Variants in NME9 observed in about 807,000 individuals in gnomAD.
The protein encoded by NME9 is NME/NM23 family member 9.
NME9 carries 48 observed loss-of-function variants against 44.4 expected under a neutral mutation model. The observed-to-expected ratio is 1.08, with a 90% CI of 0.86 to 1.37. NME9 has a LOEUF of 1.37. Ranked by LOEUF, NME9 falls within the 40% of genes most tolerant of loss-of-function variation. The pLI, the probability that NME9 is intolerant of heterozygous loss-of-function variation, is 0.00. For synonymous variants in NME9, 139 were observed against 147.1 expected, an observed-to-expected ratio of 0.94 and a Z score of 0.40; for missense variants, 325 against 405.2, an observed-to-expected ratio of 0.80 and a Z score of 1.70.
chr3:138,296,259 T>G (rs2051475892), downstream of NME9: 1 of 174,220 alleles, frequency 5.7e-6, no homozygotes, highest in Non-Finnish European at 1.2e-5. Flanking sequence ...TGCACGTACA[T>G]GGGCCAGAAT....
intron 1 of NME9, among the ~76,000 whole-genome samples, chr3:138,328,761 A>C (rs1022842468): frequency 2.6e-5 from 4 of 152,238 alleles, no homozygotes; most frequent in African/African-American, 9.6e-5. Flanking sequence ...TCCCACATGC[A>C]AATGAAGTAA....
chr3:138,265,768 C>T (rs781376507), intron 8 of NME9, among the ~76,000 whole-genome samples: 38 of 152,024 alleles, frequency 2.5e-4, no homozygotes, highest in African/African-American at 5.8e-4. Flanking sequence ...CAGGTAAGGA[C>T]GAAGTGGAAG....
At chr3:138,302,150 A>G (rs1257009593) in intron 10 of NME9, among the ~76,000 whole-genome samples, 1 of 152,156 alleles carries the variant, frequency 6.6e-6, no homozygotes, top group African/African-American at 2.4e-5. Context: ...GAATAGTGCT[A>G]ACTACAGTGG....
chr3:138,315,762 C>T (rs2053032554), intron 4 of NME9, 119 bp from the exon 5 acceptor site: 1 of 719,590 alleles, frequency 1.4e-6, no homozygotes, highest in Non-Finnish European at 2.3e-6. Flanking sequence ...AGGCCTGTAG[C>T]AGCGTGCTCA....
At chr3:138,292,115 G>A (rs2051009033) in intron 8 of NME9, among the ~76,000 whole-genome samples, 1 of 152,002 alleles carries the variant, frequency 6.6e-6, no homozygotes, top group Non-Finnish European at 1.5e-5. Context: ...TTGGCTCACT[G>A]AAACCTCTGC....
chr3:138,284,972 T>A (rs2050266502), intron 8 of NME9, among the ~76,000 whole-genome samples: 1 of 152,250 alleles, frequency 6.6e-6, no homozygotes, highest in Non-Finnish European at 1.5e-5. Flanking sequence ...CACCAGAGAC[T>A]GCCCATTGCC....
chr3:138,302,612 C>A (rs751022012), intron 10 of NME9, among the ~76,000 whole-genome samples: 65 of 152,218 alleles, frequency 4.3e-4, no homozygotes, highest in Non-Finnish European at 8.4e-4. Flanking sequence ...TCAGCTTGTT[C>A]CTCAGCTGGC....
At chr3:138,317,041 C>T (rs2053136862) in intron 4 of NME9, among the ~76,000 whole-genome samples, 1 of 152,132 alleles carries the variant, frequency 6.6e-6, no homozygotes, top group Admixed American at 6.5e-5. Flanking sequence ...GATTGTGGCC[C>T]ATGTTTCCAT....
intron 6 of NME9, among the ~76,000 whole-genome samples, chr3:138,309,678 G>A (rs1354407817): frequency 1.3e-5 from 2 of 151,710 alleles, no homozygotes; most frequent in Admixed American, 1.3e-4. Flanking sequence ...GAACTAGAGT[G>A]AGCCAAGATC....
intron 8 of NME9, among the ~76,000 whole-genome samples, chr3:138,277,154 G>C (rs1261915960): frequency 6.6e-6 from 1 of 152,046 alleles, no homozygotes; most frequent in Non-Finnish European, 1.5e-5. Flanking sequence ...TATTGACAAA[G>C]GTACAAAGGC....
At chr3:138,323,982 T>C (rs920358789) in intron 2 of NME9, among the ~76,000 whole-genome samples, 1 of 152,050 alleles carries the variant, frequency 6.6e-6, no homozygotes. Context: ...ATGAGCAGAG[T>C]ATGGCAAAAG....
chr3:138,314,105 A>G (rs985300317), intron 6 of NME9, among the ~76,000 whole-genome samples: 6 of 152,190 alleles, frequency 3.9e-5, no homozygotes, highest in Non-Finnish European at 7.3e-5. Flanking sequence ...AAGGTGATGG[A>G]TATCCCAATT....
intron 8 of NME9, chr3:138,290,625 A>G: frequency 6.2e-7 from 1 of 1,601,598 alleles, no homozygotes; most frequent in Non-Finnish European, 8.5e-7. Context: ...CACCAGATTC[A>G]AACCTTTGTG....
chr3:138,289,497 G>A (rs1577048178), intron 8 of NME9, among the ~76,000 whole-genome samples: 1 of 152,202 alleles, frequency 6.6e-6, no homozygotes. Context: ...AGGACTACAG[G>A]CAGATAAGCA....
At position 138,324,693 on chromosome 3, in the gene NME9, T is replaced by TACAC. The variant is rs55961241; in HGVS notation, c.91+176_91+179dup. ...TGAATTTACTGATATTCAAGCCAGA[T>TACAC]ACACACACACACACACACACACACA... On this transcript the variant is annotated intron_variant, in intron 2 of 10. Transcript: ENST00000333911. 2.7e-3 allele frequency: 1,448 copies of TACAC among 534,502 alleles called. 15 individuals are homozygous for TACAC. The highest frequency in any genetic ancestry group is 0.02 in the African/African-American group (969 of 48,028). The allele number at this position is 534,502 out of a possible 1,614,324, so 33.1% of individuals were successfully genotyped here.
chr3:138,282,942 C>T (rs2050079082), intron 8 of NME9, among the ~76,000 whole-genome samples: 1 of 152,184 alleles, frequency 6.6e-6, no homozygotes, highest in Non-Finnish European at 1.5e-5. Context: ...GACAGTTTCA[C>T]CATGTACCAG....
chr3:138,287,477 A>C (rs1039835372), intron 8 of NME9, among the ~76,000 whole-genome samples: 3 of 151,916 alleles, frequency 2.0e-5, no homozygotes, highest in Admixed American at 6.6e-5. Flanking sequence ...CTATCCTCAT[A>C]GTAATTTGTG....
In NME9 at chr3:138,305,998, G is replaced by C. The variant is rs1407518890; in HGVS notation, c.636+6C>G. 1 of 1,582,714 alleles carries C rather than the reference G, an allele frequency of 6.3e-7. No homozygotes were observed. The highest frequency in any genetic ancestry group is 8.7e-7 in the Non-Finnish European group (1 of 1,151,580). The stretch of plus-strand genomic sequence containing the variant: ...GTGTTGAACTTGTGGAAGTAGATGA[G>C]CTGACCTCTCCAGCTTTGTGTTGGT... On this transcript the variant is annotated splice_donor_region_variant and intron_variant, in intron 8 of 10. Transcript: ENST00000333911.
At chr3:138,315,170 G>A (rs2052981621) in intron 5 of NME9, among the ~76,000 whole-genome samples, 1 of 152,198 alleles carries the variant, frequency 6.6e-6, no homozygotes, top group Non-Finnish European at 1.5e-5. Context: ...TGGGTCACTA[G>A]GAGAGATTTC....
Sources: gnomAD v4.1 joint callset for allele counts (sites outside exome capture counted in the v4.1 genomes callset) on GRCh38, gnomAD v4.1.1 for gene constraint, MANE v1.5 for transcripts, NCBI Gene and HGNC (gene_info 2026-07-23, HGNC 2026-07-21) for gene names.